Variants in CDH13 observed in about 807,000 individuals in gnomAD.
CDH13 encodes cadherin-13.
A neutral mutation model predicts 63.8 loss-of-function variants in CDH13; 24 were observed. The ratio of observed to expected loss-of-function variants is 0.38; its 90% CI spans 0.27 to 0.53. The LOEUF (loss-of-function observed/expected upper bound fraction) is 0.53, where lower values mean the gene tolerates loss of function less well. CDH13 is among the 20% of genes least tolerant of loss of function. The pLI, the probability that CDH13 is intolerant of heterozygous loss-of-function variation, is 0.85. For missense variants in CDH13, 1,049 were observed against 903.1 expected, an observed-to-expected ratio of 1.16 and a Z score of -2.07; for synonymous variants, 503 against 355.3, an observed-to-expected ratio of 1.42 and a Z score of -4.67.
At chr16:83,627,126 A>AT (rs1910379952) in intron 8 of CDH13, among the ~76,000 whole-genome samples, 1 of 32,824 alleles carries the variant, frequency 3.0e-5, no homozygotes, top group Admixed American at 3.0e-4. Flanking sequence ...CCACTAAAAT[A>AT]CAAAAAAAAA....
chr16:83,138,304 G>C (rs77929360), intron 4 of CDH13, among the ~76,000 whole-genome samples: 8,564 of 152,166 alleles, frequency 0.056, 282 homozygotes, highest in East Asian at 0.11. Context: ...CCCCCGAGAA[G>C]AATGCCCGTC....
chr16:83,391,895 T>C (rs2091794295), intron 6 of CDH13, among the ~76,000 whole-genome samples: 1 of 152,096 alleles, frequency 6.6e-6, no homozygotes, highest in Non-Finnish European at 1.5e-5. Flanking sequence ...TAAAATCGAG[T>C]TGGGTTCTAG....
chr16:83,149,477 G>A (rs2036884259), intron 4 of CDH13, among the ~76,000 whole-genome samples: 1 of 152,138 alleles, frequency 6.6e-6, no homozygotes, highest in Admixed American at 6.5e-5. Flanking sequence ...GAACTGAGAG[G>A]GGATATGGTA....
intron 1 of CDH13, 144 bp from the exon 2 acceptor site, chr16:82,858,218 C>T (rs2039781865): frequency 8.3e-6 from 5 of 600,762 alleles, no homozygotes; most frequent in African/African-American, 5.6e-5. Context: ...TGTTGGCAGC[C>T]ACTGGAGAAG....
At chr16:83,103,213 A>G (rs113441823) in intron 3 of CDH13, among the ~76,000 whole-genome samples, 2,206 of 146,924 alleles carry the variant, frequency 0.015, 46 homozygotes, top group African/African-American at 0.052. Flanking sequence ...TCAACCTCCC[A>G]AAGTACTGAG....
chr16:82,963,773 A>G (rs2151348934), intron 2 of CDH13, among the ~76,000 whole-genome samples: 1 of 152,318 alleles, frequency 6.6e-6, no homozygotes, highest in Admixed American at 6.5e-5. Flanking sequence ...ACATGCATGA[A>G]GTACCCATTT....
At chr16:83,116,126 C>T (rs1177371927) in intron 3 of CDH13, among the ~76,000 whole-genome samples, 1 of 152,182 alleles carries the variant, frequency 6.6e-6, no homozygotes, top group Admixed American at 6.5e-5. Flanking sequence ...AGTGCGGTCC[C>T]AGCTGTAGAA....
intron 3 of CDH13, among the ~76,000 whole-genome samples, chr16:83,089,685 G>T (rs567889928): frequency 6.6e-6 from 1 of 151,978 alleles, no homozygotes; most frequent in African/African-American, 2.4e-5. Flanking sequence ...TAATGAATTC[G>T]AGTCTGAATG....
intron 1 of CDH13, among the ~76,000 whole-genome samples, chr16:82,785,997 C>T (rs1263009714): frequency 6.6e-6 from 1 of 152,110 alleles, no homozygotes; most frequent in South Asian, 2.1e-4. Flanking sequence ...ACAGGCTAAA[C>T]TAATTCCGAC....
intron 8 of CDH13, among the ~76,000 whole-genome samples, chr16:83,646,924 C>T (rs533436071): frequency 6.6e-6 from 1 of 152,054 alleles, no homozygotes; most frequent in African/African-American, 2.4e-5. Context: ...ACTTGCAGTC[C>T]ACATCACAGC....
In CDH13 at chr16:83,799,477, A is replaced by C. The variant is rs1904303802; in HGVS notation, c.*4447A>C. On this transcript the variant is annotated 3_prime_UTR_variant, in exon 14 of 14. Coordinates refer to ENST00000567109, the MANE Select transcript of CDH13 (RefSeq NM_001257.5). ...AAGGGGCAAATTCTAAAGGATCTCTAAGTAGTTGCTGATTTTGTAAAGGTA... is the reference window on the plus strand; with the variant it reads ...AAGGGGCAAATTCTAAAGGATCTCTCAGTAGTTGCTGATTTTGTAAAGGTA... 6.6e-6 allele frequency: 1 copy of C among 152,126 alleles called. No individual in the cohort carries two copies. Among genetic ancestry groups the C allele is most frequent in the Non-Finnish European group, 1.5e-5 (1 of 68,012 alleles). 9.4% of individuals were successfully genotyped at this position (152,126 alleles called of 1,614,324 possible).
At chr16:82,956,273 C>T (rs1388001710) in intron 2 of CDH13, among the ~76,000 whole-genome samples, 2 of 152,116 alleles carry the variant, frequency 1.3e-5, no homozygotes, top group Non-Finnish European at 2.9e-5. Context: ...GACAGATTTG[C>T]TTCTGTCTAT....
intron 1 of CDH13, among the ~76,000 whole-genome samples, chr16:82,851,295 C>T (rs1197481060): frequency 3.3e-5 from 5 of 151,840 alleles, no homozygotes; most frequent in Non-Finnish European, 7.4e-5. Flanking sequence ...ATTAGCTGGG[C>T]ATAGTGGCGG....
intron 1 of CDH13, chr16:82,646,403 AG>A (rs1377099872): frequency 6.6e-6 from 1 of 152,114 alleles, no homozygotes; most frequent in Non-Finnish European, 1.5e-5. Flanking sequence ...CATGTTGGCC[AG>A]GCTGATTTCA....
chr16:82,981,561 G>T (rs76002584), intron 2 of CDH13, among the ~76,000 whole-genome samples: 3,203 of 152,188 alleles, frequency 0.021, 45 homozygotes, highest in South Asian at 0.029. Flanking sequence ...TGCTGGTCCA[G>T]GCAAGGAGCC....
chr16:82,918,022 A>G (rs2042045726), intron 2 of CDH13, among the ~76,000 whole-genome samples: 1 of 152,106 alleles, frequency 6.6e-6, no homozygotes, highest in Non-Finnish European at 1.5e-5. Flanking sequence ...TGACAATTGC[A>G]AATGTTAAAT....
At chr16:83,718,914 A>G (rs1909304938) in intron 10 of CDH13, among the ~76,000 whole-genome samples, 1 of 152,136 alleles carries the variant, frequency 6.6e-6, no homozygotes, top group African/African-American at 2.4e-5. Flanking sequence ...GTTGCTCCTG[A>G]GAGAGGTGCT....
intron 4 of CDH13, among the ~76,000 whole-genome samples, chr16:83,146,009 C>A (rs1257242537): frequency 1.2e-4 from 18 of 152,032 alleles, no homozygotes; most frequent in Admixed American, 1.1e-3. Flanking sequence ...ACCTGGCCAA[C>A]TTGGTGAAAC....
At chr16:83,459,249 T>C (rs7187676) in intron 6 of CDH13, among the ~76,000 whole-genome samples, 65,842 of 152,130 alleles carry the variant, frequency 0.43, 14,447 homozygotes, top group Middle Eastern at 0.54. Context: ...AGCAATGCCA[T>C]TGACAAGAAA....
Sources: allele counts gnomAD v4.1 joint callset (sites outside exome capture counted in the v4.1 genomes callset), GRCh38; gene constraint gnomAD v4.1.1; transcripts MANE v1.5; gene names NCBI Gene and HGNC (gene_info 2026-07-23, HGNC 2026-07-21).